The following SORCS1 variants were observed in gnomAD, a reference collection of about 807,000 sequenced individuals.
SORCS1 encodes the protein sortilin related VPS10 domain containing receptor 1.
A neutral mutation model predicts 146.1 loss-of-function variants in SORCS1; 60 were observed. The ratio of observed to expected loss-of-function variants is 0.41; its 90% CI spans 0.33 to 0.51. The LOEUF is 0.51. Among genes scored for constraint, SORCS1 ranks in the 20% least tolerant of loss-of-function variants. The pLI, the probability that SORCS1 is intolerant of heterozygous loss-of-function variation, is 0.21. For missense variants in SORCS1, 1,352 were observed against 1,487.6 expected (o/e 0.91, Z 1.50); for synonymous variants, 637 against 584.0 (o/e 1.09, Z -1.31).
At chr10:106,782,111 C>G (rs993657122) in intron 3 of SORCS1, among the ~76,000 whole-genome samples, 9 of 152,146 alleles carry the variant, frequency 5.9e-5, no homozygotes, top group African/African-American at 2.2e-4. Flanking sequence ...AACATTTAGG[C>G]AACAGACTGT....
rs148033560 is a variant in SORCS1, at chr10:107,047,664, A to G, written c.559-91084T>C. On this transcript the variant is annotated intron_variant, in intron 1 of 25. Transcript: ENST00000263054. ...TCTGTTCTCACTTTTACTGCACTCT[A>G]GCCAAAACGGACCATTTGTCACCGC... Among the ~76,000 whole-genome samples the G allele has an allele frequency of 1.6e-4, 25 of 152,276 alleles. No individual in the cohort carries two copies. In the East Asian group the frequency reaches 4.4e-3, roughly 27 times the overall value.
At chr10:106,838,756 G>T (rs900884809) in intron 2 of SORCS1, among the ~76,000 whole-genome samples, 1 of 152,096 alleles carries the variant, frequency 6.6e-6, no homozygotes, top group African/African-American at 2.4e-5. Flanking sequence ...CATCCTGCAG[G>T]GAGCAAGTCT....
At chr10:106,838,266 T>A (rs890856447) in intron 2 of SORCS1, among the ~76,000 whole-genome samples, 3 of 152,222 alleles carry the variant, frequency 2.0e-5, no homozygotes, top group African/African-American at 7.2e-5. Flanking sequence ...CTACTTTTTT[T>A]AAATTAATAA....
At chr10:106,852,649 AAAG>A (rs1949637170) in intron 2 of SORCS1, among the ~76,000 whole-genome samples, 1 of 148,716 alleles carries the variant, frequency 6.7e-6, no homozygotes, top group African/African-American at 2.5e-5. Flanking sequence ...AAAAAAAAAG[AAAG>A]AAAAGAAAAA....
chr10:106,607,351 A>C (rs1350767863), intron 22 of SORCS1, 54 bp from the exon 23 acceptor site: 1 of 1,604,320 alleles, frequency 6.2e-7, no homozygotes, highest in Non-Finnish European at 8.5e-7. Context: ...AAAGCTGAGA[A>C]GGGACCAAGT....
In SORCS1 at chr10:106,688,347, A is replaced by G. The variant is rs759439726; in HGVS notation, c.1414-9T>C. On this transcript the variant is annotated splice_polypyrimidine_tract_variant and intron_variant, in intron 9 of 25. Coordinates refer to ENST00000263054, the MANE Select transcript of SORCS1 (RefSeq NM_052918.5). ...CCCTTTATCCCTGCTACCTGGGAAA[A>G]ATTGACATGGCTGAAAAATACATCA... 2.5e-6 allele frequency: 4 copies of G among 1,608,372 alleles called. No individual in the cohort carries two copies. In the Admixed American group the frequency reaches 6.8e-5, roughly 28 times the overall value.
chr10:106,927,925 T>C (rs1405890773), intron 2 of SORCS1, among the ~76,000 whole-genome samples: 1 of 152,198 alleles, frequency 6.6e-6, no homozygotes, highest in Non-Finnish European at 1.5e-5. Flanking sequence ...AAGTGTCCAT[T>C]GGTGCATTCA....
chr10:107,045,732 T>C (rs1959320718), intron 1 of SORCS1, among the ~76,000 whole-genome samples: 1 of 151,996 alleles, frequency 6.6e-6, no homozygotes, highest in Non-Finnish European at 1.5e-5. Context: ...AACATGGATA[T>C]ATATTTATGT....
At chr10:106,727,932 A>T (rs1166713270) in intron 6 of SORCS1, among the ~76,000 whole-genome samples, 1 of 152,262 alleles carries the variant, frequency 6.6e-6, no homozygotes, top group African/African-American at 2.4e-5. Flanking sequence ...AGGAGAGGGC[A>T]GACTAAGATT....
intron 9 of SORCS1, among the ~76,000 whole-genome samples, chr10:106,697,557 A>T (rs1853800290): frequency 6.6e-6 from 1 of 152,228 alleles, no homozygotes; most frequent in South Asian, 2.1e-4. Context: ...CCAAAATAAT[A>T]TAAATGTTTT....
In SORCS1 at chr10:106,677,285, A is replaced by C. The variant is rs1182154640; in HGVS notation, c.1832+28T>G. On this transcript the variant is annotated intron_variant, in intron 13 of 25. Coordinates refer to ENST00000263054, the MANE Select transcript of SORCS1 (RefSeq NM_052918.5). ...TTAGCAGTTCAGGACCATCAGGTGC[A>C]GATTTCACAGGCAGCATGTGCCCTT... is the stretch of plus-strand genomic sequence containing the variant. The C allele has an allele frequency of 2.5e-6, 4 of 1,597,608 alleles. No individual in the cohort carries two copies. In the South Asian group the frequency reaches 4.4e-5, roughly 18 times the overall value.
intron 1 of SORCS1, among the ~76,000 whole-genome samples, chr10:107,102,607 C>T (rs1965003520): frequency 6.6e-6 from 1 of 152,064 alleles, no homozygotes; most frequent in African/African-American, 2.4e-5. Context: ...TAGCGTTCTA[C>T]CTAAGCACTA....
chr10:106,933,146 C>A (rs551925258), intron 2 of SORCS1, among the ~76,000 whole-genome samples: 5 of 152,184 alleles, frequency 3.3e-5, no homozygotes, highest in Non-Finnish European at 5.9e-5. Flanking sequence ...AGAACATGTT[C>A]ACTGAAACTA....
intron 2 of SORCS1, among the ~76,000 whole-genome samples, chr10:106,948,803 C>T (rs1589768860): frequency 6.6e-6 from 1 of 151,568 alleles, no homozygotes; most frequent in East Asian, 1.9e-4. Context: ...ACTAAAAATA[C>T]AAAAAAAATT....
At position 106,658,132 on chromosome 10, in the gene SORCS1, A is replaced by T. The variant is rs1196879873; in HGVS notation, c.2304-5579T>A. On this transcript the variant is annotated intron_variant, in intron 17 of 25. Coordinates refer to ENST00000263054, the MANE Select transcript of SORCS1 (RefSeq NM_052918.5). ...AAAATTTCCCATGGGCTTATTCTAA[A>T]GAGTAAAGTTCAGGTTTAAAGTAAA... 3.9e-5 allele frequency among the ~76,000 whole-genome samples: 6 copies of T among 152,108 alleles called. 1 individual carries two copies. The highest frequency in any genetic ancestry group is 3.8e-4 in the East Asian group (2 of 5,196).
At chr10:107,072,624 C>T (rs896696387) in intron 1 of SORCS1, among the ~76,000 whole-genome samples, 4 of 151,476 alleles carry the variant, frequency 2.6e-5, no homozygotes, top group African/African-American at 9.7e-5. Context: ...TATATACACA[C>T]ATATATAGAC....
At chr10:106,985,261 G>T (rs990481466) in intron 1 of SORCS1, among the ~76,000 whole-genome samples, 1 of 152,190 alleles carries the variant, frequency 6.6e-6, no homozygotes, top group African/African-American at 2.4e-5. Flanking sequence ...TTCTGTGATT[G>T]CCATGCATAT....
intron 2 of SORCS1, among the ~76,000 whole-genome samples, chr10:106,937,267 T>C (rs1953777633): frequency 6.6e-6 from 1 of 151,850 alleles, no homozygotes; most frequent in African/African-American, 2.4e-5. Flanking sequence ...CCTCCCAGGT[T>C]CAAGCAATTC....
intron 1 of SORCS1, among the ~76,000 whole-genome samples, chr10:107,073,560 T>C (rs1962621646): frequency 6.6e-6 from 1 of 152,210 alleles, no homozygotes; most frequent in African/African-American, 2.4e-5. Flanking sequence ...CTGATATGTA[T>C]TAAATCGCTA....
Sources: allele counts gnomAD v4.1 joint callset (sites outside exome capture counted in the v4.1 genomes callset), GRCh38; gene constraint gnomAD v4.1.1; transcripts MANE v1.5; gene names NCBI Gene and HGNC (gene_info 2026-07-23, HGNC 2026-07-21).